The following GDAP1 variants were observed in gnomAD, a reference collection of about 807,000 sequenced individuals.
GDAP1 encodes ganglioside induced differentiation associated protein 1.
GDAP1 carries 34 observed loss-of-function variants against 40.1 expected under a neutral mutation model. The ratio of observed to expected loss-of-function variants is 0.85; its 90% CI spans 0.64 to 1.13. GDAP1 has a LOEUF of 1.13. GDAP1 is among the 50% of genes most tolerant of loss of function. The pLI, the probability that GDAP1 is intolerant of heterozygous loss-of-function variation, is 0.00. For synonymous variants in GDAP1, 170 were observed against 157.4 expected (o/e 1.08, Z -0.60); for missense variants, 374 against 433.7 (o/e 0.86, Z 1.22).
At position 74,423,500 on chromosome 8, in the gene GDAP1, A is replaced by G. The variant is rs6472850; in HGVS notation, c.166-65178A>G. The stretch of plus-strand genomic sequence containing the variant: ...TGGGTGTTCAAAAAATATGTGATAG[A>G]TGAACTGATGATGTTGTCATTAGTG... On this transcript the variant is annotated intron_variant, in intron 2 of 2. Transcript: ENST00000523640. 7.3e-4 allele frequency among the ~76,000 whole-genome samples: 110 copies of G among 150,884 alleles called. 1 individual carries two copies. The South Asian group carries it at 0.023, about 31-fold the overall frequency.
chr8:74,397,524 A>G (rs1487752580), intron 2 of GDAP1, among the ~76,000 whole-genome samples: 5 of 152,140 alleles, frequency 3.3e-5, no homozygotes, highest in African/African-American at 9.7e-5. Flanking sequence ...ATCTTGAATT[A>G]ATTTTTGTAT....
chr8:74,450,383 T>C (rs1806287269), intron 2 of GDAP1, among the ~76,000 whole-genome samples: 1 of 151,888 alleles, frequency 6.6e-6, no homozygotes, highest in Non-Finnish European at 1.5e-5. Flanking sequence ...AAGTGGTTTA[T>C]ATATCTACTG....
rs910231962 is a variant in GDAP1 at position 74,409,919 on chromosome 8, A to G, written c.165+58598A>G. ...AAGATGGACTTGAGACTGATCTCCC[A>G]TCTCCTTGGCTGTGGCACCCAATTA... On this transcript the variant is annotated intron_variant, in intron 2 of 2. Transcript: ENST00000523640. 1.0e-4 allele frequency among the ~76,000 whole-genome samples: 15 copies of G among 149,870 alleles called. 3 individuals carry two copies. Among genetic ancestry groups the G allele is most frequent in the African/African-American group, 3.3e-4 (13 of 39,216 alleles).
chr8:74,382,852 G>A (rs901827871), intron 2 of GDAP1, among the ~76,000 whole-genome samples: 2 of 151,780 alleles, frequency 1.3e-5, no homozygotes, highest in Admixed American at 6.6e-5. Flanking sequence ...TACTAATTTT[G>A]TCTATCTTTT....
chr8:74,367,478 A>G (rs1809680021), downstream of GDAP1, among the ~76,000 whole-genome samples: 1 of 152,212 alleles, frequency 6.6e-6, no homozygotes, highest in East Asian at 1.9e-4. Context: ...AATACTGAAT[A>G]CTTATGGAAA....
intron 2 of GDAP1, among the ~76,000 whole-genome samples, chr8:74,461,555 A>T (rs1456368619): frequency 6.6e-6 from 1 of 152,250 alleles, no homozygotes; most frequent in African/African-American, 2.4e-5. Flanking sequence ...TCGGAAGAAA[A>T]GTGAAAAGTT....
Position 74,365,744 on chromosome 8 carries a change from C to T in GDAP1, c.*1377C>T, listed in dbSNP as rs886063112. Reference sequence around the variant, plus strand: ...TGATGCTGTAATTCCATTTCATGACCTAGTTGTATTAGAAAACCTTGATGA... The same window carrying T: ...TGATGCTGTAATTCCATTTCATGACTTAGTTGTATTAGAAAACCTTGATGA... On this transcript the variant is annotated 3_prime_UTR_variant, in exon 6 of 6. Transcript: ENST00000220822. 2.2e-6 allele frequency: 1 copy of T among 454,368 alleles called. No individual in the cohort carries two copies. Among genetic ancestry groups the T allele is most frequent in the Non-Finnish European group, 4.4e-6 (1 of 226,770 alleles). The allele number at this position is 454,368 out of a possible 1,614,324, so 28.1% of individuals were successfully genotyped here.
At chr8:74,484,193 A>G (rs986634199) in intron 2 of GDAP1, among the ~76,000 whole-genome samples, 9 of 152,338 alleles carry the variant, frequency 5.9e-5, no homozygotes, top group African/African-American at 2.2e-4. Context: ...GTTATATTAT[A>G]AAATTATACC....
At chr8:74,422,351 TCCC>T (rs1805883852) in intron 2 of GDAP1, among the ~76,000 whole-genome samples, 4 of 30,856 alleles carry the variant, frequency 1.3e-4, no homozygotes, top group South Asian at 1.6e-3. Context: ...CTTTCTTTCT[TCCC>T]TTCCTTCCTT....
intron 2 of GDAP1, among the ~76,000 whole-genome samples, chr8:74,467,961 A>G (rs946716255): frequency 3.3e-5 from 5 of 152,050 alleles, no homozygotes; most frequent in East Asian, 1.9e-4. Flanking sequence ...GATTTGAGAT[A>G]TTGATATAAC....
chr8:74,403,546 G>A (rs960714292), intron 2 of GDAP1, among the ~76,000 whole-genome samples: 1 of 150,212 alleles, frequency 6.7e-6, no homozygotes, highest in Admixed American at 6.6e-5. Flanking sequence ...ATATTTATAA[G>A]TTTTACACAC....
intron 2 of GDAP1, among the ~76,000 whole-genome samples, chr8:74,430,303 C>G (rs969182221): frequency 1.3e-5 from 2 of 152,158 alleles, no homozygotes; most frequent in African/African-American, 4.8e-5. Flanking sequence ...GAAATTTATT[C>G]CACTGGCAAA....
In GDAP1 at chr8:74,360,793, A is replaced by G. The variant is rs192063206; in HGVS notation, c.484+483A>G. Among the ~76,000 whole-genome samples, 184 of 152,348 alleles carry G rather than the reference A, an allele frequency of 1.2e-3. 1 individual carries two copies. Among genetic ancestry groups the G allele is most frequent in the Middle Eastern group, 6.8e-3 (2 of 294 alleles). On this transcript the variant is annotated intron_variant, in intron 3 of 5. Coordinates refer to ENST00000220822, the MANE Select transcript of GDAP1 (RefSeq NM_018972.4). ...AGATTTATTGGGATTGAGTTGTGAC[A>G]TCCAGCTTTCTGCCTTCCTCCTGTC...
chr8:74,477,827 G>C (rs528212431), intron 2 of GDAP1, among the ~76,000 whole-genome samples: 1 of 152,288 alleles, frequency 6.6e-6, no homozygotes, highest in South Asian at 2.1e-4. Context: ...CTGGGGCAAG[G>C]TGCTAGTATG....
intron 2 of GDAP1, among the ~76,000 whole-genome samples, chr8:74,373,474 TC>T (rs914483069): frequency 6.6e-6 from 1 of 152,196 alleles, no homozygotes; most frequent in Non-Finnish European, 1.5e-5. Flanking sequence ...GTCCTTCACA[TC>T]CCTTGTAAAT....
Position 74,479,345 on chromosome 8 carries a change from T to C in GDAP1, c.166-9333T>C, listed in dbSNP as rs1308902170. 2.6e-5 allele frequency among the ~76,000 whole-genome samples: 4 copies of C among 152,314 alleles called. No individual in the cohort carries two copies. The East Asian group carries it at 7.7e-4, about 29-fold the overall frequency. On this transcript the variant is annotated intron_variant, in intron 2 of 2. Coordinates refer to the GDAP1 transcript ENST00000523640. ...ATTAATCAAGTCTACTTTATAATTATATTATTTAGATATTTTATGTCCTTA... is the reference window on the plus strand; with the variant it reads ...ATTAATCAAGTCTACTTTATAATTACATTATTTAGATATTTTATGTCCTTA...
intron 2 of GDAP1, among the ~76,000 whole-genome samples, chr8:74,352,076 G>A (rs1400531149): frequency 6.6e-6 from 1 of 152,200 alleles, no homozygotes; most frequent in Non-Finnish European, 1.5e-5. Flanking sequence ...GACAGGCATG[G>A]TAGACAAGTT....
At chr8:74,422,931 A>C (rs1040186607) in intron 2 of GDAP1, among the ~76,000 whole-genome samples, 8 of 151,384 alleles carry the variant, frequency 5.3e-5, no homozygotes, top group African/African-American at 1.9e-4. Context: ...TATATATATA[A>C]TGAGATTTGT....
intron 4 of GDAP1, among the ~76,000 whole-genome samples, chr8:74,362,735 G>A (rs1809428278): frequency 6.9e-6 from 1 of 143,974 alleles, no homozygotes; most frequent in African/African-American, 2.6e-5. Flanking sequence ...CTGCTCCTGG[G>A]TCATTTTCAC....
Sources: allele counts gnomAD v4.1 joint callset (sites outside exome capture counted in the v4.1 genomes callset), GRCh38; gene constraint gnomAD v4.1.1; transcripts MANE v1.5; gene names NCBI Gene and HGNC (gene_info 2026-07-23, HGNC 2026-07-21).